The following ANKRD12 variants were observed in gnomAD, a reference collection of about 807,000 sequenced individuals.
ANKRD12 encodes the protein ankyrin repeat domain-containing protein 12.
A neutral mutation model predicts 183.4 loss-of-function variants in ANKRD12; 85 were observed. The observed-to-expected ratio is 0.46, with a 90% CI of 0.39 to 0.56. ANKRD12 has a LOEUF of 0.56. Among genes scored for constraint, ANKRD12 ranks in the 20% least tolerant of loss-of-function variants. ANKRD12 has a pLI of 0.00. For synonymous variants in ANKRD12, 914 were observed against 800.2 expected (o/e 1.14, Z -2.40); for missense variants, 2,405 against 2,357.1 (o/e 1.02, Z -0.42).
chr18:9,267,573 C>T (rs1443560635), intron 10 of ANKRD12, among the ~76,000 whole-genome samples: 6 of 151,930 alleles, frequency 3.9e-5, no homozygotes, highest in African/African-American at 9.7e-5. Context: ...TTGAGACCAA[C>T]GAGAACAAAG....
At chr18:9,144,044 C>T (rs1218000394) in intron 1 of ANKRD12, among the ~76,000 whole-genome samples, 1 of 152,104 alleles carries the variant, frequency 6.6e-6, no homozygotes, top group Non-Finnish European at 1.5e-5. Context: ...AATTATATTA[C>T]CACTTTCATT....
chr18:9,178,073 CT>C (rs34718247), intron 1 of ANKRD12, among the ~76,000 whole-genome samples: 2,161 of 152,316 alleles, frequency 0.014, 55 homozygotes, highest in African/African-American at 0.05. Flanking sequence ...GCATGGCTGG[CT>C]TTTCATTTTC....
chr18:9,231,756 C>T (rs186932646), intron 8 of ANKRD12, among the ~76,000 whole-genome samples: 16 of 135,632 alleles, frequency 1.2e-4, no homozygotes, highest in East Asian at 2.2e-4. Flanking sequence ...ACCTGGGAGG[C>T]GGAGGTTGCA....
chr18:9,166,643 A>G (rs568938359), intron 1 of ANKRD12, among the ~76,000 whole-genome samples: 15 of 152,230 alleles, frequency 9.9e-5, no homozygotes, highest in East Asian at 3.9e-4. Flanking sequence ...GTAGGTTGCA[A>G]AAATTTTCTC....
chr18:9,280,770 C>CAGAGCA (rs2040077297), intron 12 of ANKRD12, among the ~76,000 whole-genome samples, 171 bp from the exon 13 acceptor site: 4 of 151,760 alleles, frequency 2.6e-5, no homozygotes, highest in African/African-American at 9.7e-5. Flanking sequence ...GCCTGGGAGA[C>CAGAGCA]AGAGCAAGAC....
At chr18:9,148,757 T>C (rs527527483) in intron 1 of ANKRD12, among the ~76,000 whole-genome samples, 20 of 152,330 alleles carry the variant, frequency 1.3e-4, no homozygotes, top group South Asian at 6.2e-4. Flanking sequence ...TAATTCCTCT[T>C]AAGTCCATCT....
chr18:9,267,423 C>T (rs891824225), intron 10 of ANKRD12, among the ~76,000 whole-genome samples: 7 of 152,154 alleles, frequency 4.6e-5, no homozygotes, highest in Non-Finnish European at 8.8e-5. Flanking sequence ...CAAACTGTCT[C>T]TCAGACCACA....
At chr18:9,275,765 A>G in intron 11 of ANKRD12, 98 bp downstream of exon 11, 1 of 1,236,904 alleles carries the variant, frequency 8.1e-7, no homozygotes, top group East Asian at 2.5e-5. Flanking sequence ...TGAACTCAAC[A>G]ATCATTAAAG....
At chr18:9,151,090 TAAAG>T (rs2078670997) in intron 1 of ANKRD12, among the ~76,000 whole-genome samples, 1 of 152,234 alleles carries the variant, frequency 6.6e-6, no homozygotes, top group African/African-American at 2.4e-5. Context: ...GAAAATATGA[TAAAG>T]AGAGCATGTT....
At chr18:9,266,143 G>T (rs1335175339) in intron 10 of ANKRD12, among the ~76,000 whole-genome samples, 1 of 152,214 alleles carries the variant, frequency 6.6e-6, no homozygotes, top group African/African-American at 2.4e-5. Flanking sequence ...CGTCTGATTG[G>T]TGTACCTGAA....
chr18:9,241,820 C>A (rs976365332), intron 8 of ANKRD12, among the ~76,000 whole-genome samples: 1 of 151,458 alleles, frequency 6.6e-6, no homozygotes, highest in Non-Finnish European at 1.5e-5. Context: ...CTTAAGCAAA[C>A]AGAACACATA....
rs748119131 is a variant in ANKRD12, at chr18:9,269,211, A to AT, written c.5763+5324dup. Among the ~76,000 whole-genome samples, 113 of 152,222 alleles carry AT rather than the reference A, an allele frequency of 7.4e-4. 1 individual carries two copies. Among genetic ancestry groups the AT allele is most frequent in the Admixed American group, 7.9e-4 (12 of 15,266 alleles). On this transcript the variant is annotated intron_variant, in intron 10 of 12. Coordinates refer to ENST00000262126, the MANE Select transcript of ANKRD12 (RefSeq NM_015208.5). ...CCATACTGCCCAAGGTAATTTATAGATCAATGCCATCCCCATCAAGCTACC... is the reference window on the plus strand; with the variant it reads ...CCATACTGCCCAAGGTAATTTATAGATTCAATGCCATCCCCATCAAGCTACC...
intron 1 of ANKRD12, among the ~76,000 whole-genome samples, chr18:9,178,379 C>T (rs537514502): frequency 4.0e-5 from 6 of 151,620 alleles, no homozygotes; most frequent in East Asian, 1.9e-4. Flanking sequence ...TTTCCAAGAC[C>T]GTTTATTGAA....
chr18:9,275,493 T>C (rs2039789128), intron 10 of ANKRD12, 31 bp from the exon 11 acceptor site: 1 of 1,589,514 alleles, frequency 6.3e-7, no homozygotes, highest in Non-Finnish European at 8.6e-7. Context: ...TGTTGAAGAA[T>C]TTATTTTTTT....
chr18:9,269,858 T>C (rs1271808826), intron 10 of ANKRD12, among the ~76,000 whole-genome samples: 1 of 152,184 alleles, frequency 6.6e-6, no homozygotes, highest in Non-Finnish European at 1.5e-5. Flanking sequence ...AGAAAATTTT[T>C]GCAATCTACT....
chr18:9,258,011 T>C lies in ANKRD12; in HGVS notation c.4744T>C (p.Leu1582=). The C allele has an allele frequency of 6.2e-7, 1 of 1,613,758 alleles. No homozygotes were observed. The highest frequency in any genetic ancestry group is 8.5e-7 in the Non-Finnish European group (1 of 1,179,948). ...ASPNFEKAYT[L]PVLPSEKDFN... ...ACCAAACTTTGAGAAAGCTTATACTTTACCTGTGTTACCATCAGAAAAGGA... is the reference window on the plus strand; with the variant it reads ...ACCAAACTTTGAGAAAGCTTATACTCTACCTGTGTTACCATCAGAAAAGGA... The change falls in exon 9 of 13, where the codon TTA becomes CTA. Residue 1582 remains leucine, a synonymous_variant. Coordinates refer to ENST00000262126, the MANE Select transcript of ANKRD12 (RefSeq NM_015208.5).
intron 2 of ANKRD12, 84 bp from the exon 3 acceptor site, chr18:9,195,467 T>C (rs1011057719): frequency 1.2e-5 from 12 of 969,486 alleles, no homozygotes; most frequent in African/African-American, 1.7e-5. Flanking sequence ...TTTTTGTGTA[T>C]GTTTGAAATT....
intron 10 of ANKRD12, among the ~76,000 whole-genome samples, chr18:9,265,013 G>A (rs1172952654): frequency 6.6e-6 from 1 of 152,248 alleles, no homozygotes; most frequent in Non-Finnish European, 1.5e-5. Flanking sequence ...TACGCCCACG[G>A]AGCCTCGCTC....
At chr18:9,173,371 T>G (rs576789981) in intron 1 of ANKRD12, among the ~76,000 whole-genome samples, 97 of 152,114 alleles carry the variant, frequency 6.4e-4, no homozygotes, top group African/African-American at 2.2e-3. Context: ...GCCTGGCCAG[T>G]TGCTGACCTT....
Sources: gnomAD v4.1 joint callset for allele counts (sites outside exome capture counted in the v4.1 genomes callset) on GRCh38, gnomAD v4.1.1 for gene constraint, MANE v1.5 for transcripts, NCBI Gene and HGNC (gene_info 2026-07-23, HGNC 2026-07-21) for gene names.